CLCA1: variants seen among roughly 807,000 people sequenced by gnomAD.
CLCA1 encodes chloride channel accessory 1, also known as calcium-activated chloride channel regulator 1.
CLCA1 carries 59 observed loss-of-function variants against 85.6 expected under a neutral mutation model. The ratio of observed to expected loss-of-function variants is 0.69; its 90% confidence interval spans 0.56 to 0.86. The LOEUF (loss-of-function observed/expected upper bound fraction) is 0.86. Ranked by LOEUF, CLCA1 falls within the 40% of genes least tolerant of loss-of-function variation. The probability of loss-of-function intolerance (pLI) is 0.00; values close to 1 mark genes in which losing one functional copy is unlikely to be tolerated. For missense variants in CLCA1, 1,022 were observed against 1,101.4 expected (o/e 0.93, Z 1.02); for synonymous variants, 396 against 398.3 (o/e 0.99, Z 0.07).
intron 5 of CLCA1, 47 bp downstream of exon 5, chr1:86,482,429 G>A (rs771539191): frequency 6.4e-7 from 1 of 1,560,246 alleles, no homozygotes; most frequent in South Asian, 1.2e-5. Context: ...TATGAATTTA[G>A]TGAGGCTTTT....
intron 7 of CLCA1, among the ~76,000 whole-genome samples, chr1:86,487,008 T>C (rs959129440): frequency 1.3e-5 from 2 of 152,214 alleles, no homozygotes; most frequent in African/African-American, 4.8e-5. Context: ...TTTGGGCACA[T>C]CACACTCAAT....
chr1:86,489,382 T>C (rs182426770), intron 8 of CLCA1, among the ~76,000 whole-genome samples: 87 of 152,278 alleles, frequency 5.7e-4, no homozygotes, highest in Middle Eastern at 6.8e-3. Context: ...CTGGAGAAGA[T>C]GGAACTAGCA....
chr1:86,491,349 C>A lies in CLCA1; in HGVS notation c.1442C>A (p.Ala481Asp), dbSNP rs867220653. The change falls in exon 9 of 14, where the codon GCT (alanine) becomes GAT (aspartate). Residue 481 changes from alanine (A) to aspartate (D), a missense_variant. Ala to Asp is a moderately radical substitution (Grantham distance 126). Transcript: ENST00000394711. ...GGGGCCCTTTCATCAGGAAATGGAG[C>A]TGTCTCTCAGCGCTCCATCCAGGTT... ...AFGALSSGNGAVSQRSIQLES... is the reference protein window; with the variant it reads ...AFGALSSGNGDVSQRSIQLES... 6.2e-7 allele frequency: 1 copy of A among 1,612,628 alleles called. No homozygotes were observed. Among genetic ancestry groups the A allele is most frequent in the East Asian group, 2.2e-5 (1 of 44,858 alleles).
chr1:86,489,193 C>G (rs748747314), intron 8 of CLCA1, 23 bp downstream of exon 8: 3 of 1,606,364 alleles, frequency 1.9e-6, no homozygotes, highest in Non-Finnish European at 2.6e-6. Flanking sequence ...TTGCTGAGAC[C>G]CCCGGTATTG....
chr1:86,469,070 AG>A lies in CLCA1; in HGVS notation c.101del (p.Gly34AlafsTer20). On this transcript the variant is annotated frameshift_variant, in exon 1 of 14. Coordinates refer to ENST00000394711, the MANE Select transcript of CLCA1 (RefSeq NM_001285.4). LOFTEE classifies it high-confidence loss of function. ...TTCAGCTGAACAACAATGGCTATGA[AG>A]GCATTGTCGTTGCAATCGACCCCAA... ...LIQLNNNGYE[G>X]IVVAIDPNVP... The A allele has an allele frequency of 6.2e-7, 1 of 1,612,840 alleles. No individual in the cohort carries two copies. The highest frequency in any genetic ancestry group is 8.5e-7 in the Non-Finnish European group (1 of 1,179,330).
chr1:86,495,055 C>G (rs1319924283), intron 11 of CLCA1, among the ~76,000 whole-genome samples: 1 of 138,744 alleles, frequency 7.2e-6, no homozygotes, highest in African/African-American at 2.7e-5. Context: ...AAAAAAAAAA[C>G]ATGTCTGCTT....
At chr1:86,474,478 C>T (rs1647590903) in intron 3 of CLCA1, among the ~76,000 whole-genome samples, 1 of 150,362 alleles carries the variant, frequency 6.7e-6, no homozygotes, top group African/African-American at 2.5e-5. Context: ...GGCGTGAACC[C>T]GGGAGGCGGA....
chr1:86,486,714 A>G lies in CLCA1; in HGVS notation c.1143A>G (p.Gly381=). 6.2e-7 allele frequency: 1 copy of G among 1,614,184 alleles called. No homozygotes were observed. Among genetic ancestry groups the G allele is most frequent in the Non-Finnish European group, 8.5e-7 (1 of 1,180,024 alleles). The change falls in exon 7 of 14, where the codon GGA becomes GGG. Residue 381 remains glycine (G), a synonymous_variant. Transcript: ENST00000394711. ...LAKRLPAAAS[G]GTSICSGLRS... is the part of the protein sequence containing the mutation. The stretch of plus-strand genomic sequence containing the variant: ...AAAGATTACCTGCAGCAGCTTCAGG[A>G]GGGACGTCCATCTGCAGCGGGCTTC...
At chr1:86,474,467 T>C (rs1176584939) in intron 3 of CLCA1, among the ~76,000 whole-genome samples, 2 of 150,294 alleles carry the variant, frequency 1.3e-5, no homozygotes, top group Non-Finnish European at 3.0e-5. Context: ...GGCAGGAGAA[T>C]GGCGTGAACC....
Position 86,489,154 on chromosome 1 carries a change from G to T in CLCA1, c.1341G>T (p.Glu447Asp), listed in dbSNP as rs757662301. Reference protein sequence around the residue: ...LGPSAAQELEELSKMTGGLQT... With the variant: ...LGPSAAQELEDLSKMTGGLQT... Reference sequence around the variant, plus strand: ...CCTCTGCAGCTCAAGAACTAGAGGAGCTGTCCAAAATGACAGGTGAGGGAT... The same window carrying T: ...CCTCTGCAGCTCAAGAACTAGAGGATCTGTCCAAAATGACAGGTGAGGGAT... Residue 447 changes from glutamate (E) to aspartate (D), a missense_variant, in exon 8 of 14, where the codon GAG (glutamate) becomes GAT (aspartate). Glu to Asp is a conservative substitution (Grantham distance 45). Transcript: ENST00000394711. The T allele has an allele frequency of 6.2e-7, 1 of 1,613,914 alleles. No homozygotes were observed. Among genetic ancestry groups the T allele is most frequent in the Admixed American group, 1.7e-5 (1 of 59,998 alleles).
intron 1 of CLCA1, among the ~76,000 whole-genome samples, chr1:86,470,128 C>T (rs540969112): frequency 1.3e-5 from 2 of 151,938 alleles, no homozygotes; most frequent in Non-Finnish European, 2.9e-5. Context: ...GAACAAGGGC[C>T]CAGAGGGATT....
chr1:86,472,952 C>T (rs1253253333), intron 1 of CLCA1, among the ~76,000 whole-genome samples: 1 of 152,200 alleles, frequency 6.6e-6, no homozygotes, highest in African/African-American at 2.4e-5. Flanking sequence ...GTCTCAGTTT[C>T]ACCCTCAAAG....
At chr1:86,478,900 G>A (rs1317154667) in intron 4 of CLCA1, among the ~76,000 whole-genome samples, 1 of 152,152 alleles carries the variant, frequency 6.6e-6, no homozygotes. Flanking sequence ...CAGGACAGGA[G>A]GTTACTTCAT....
chr1:86,487,353 C>G (rs1301160708), intron 7 of CLCA1, among the ~76,000 whole-genome samples: 2 of 151,962 alleles, frequency 1.3e-5, no homozygotes, highest in Non-Finnish European at 1.5e-5. Context: ...GGGGAGATGA[C>G]TAATGCCAGA....
chr1:86,489,216 G>A, intron 8 of CLCA1, 46 bp downstream of exon 8: 1 of 1,562,862 alleles, frequency 6.4e-7, no homozygotes, highest in Non-Finnish European at 8.7e-7. Context: ...TCTCCTACTG[G>A]ACTGTGAGCT....
chr1:86,495,782 C>A, intron 12 of CLCA1, 107 bp downstream of exon 12: 1 of 1,047,874 alleles, frequency 9.5e-7, no homozygotes, highest in South Asian at 2.0e-5. Context: ...CAGGGTTTCT[C>A]AACCTTGGCA....
At chr1:86,494,792 CAT>C (rs1435115646) in intron 11 of CLCA1, among the ~76,000 whole-genome samples, 3 of 152,180 alleles carry the variant, frequency 2.0e-5, no homozygotes, top group Non-Finnish European at 2.9e-5. Context: ...TACATACACA[CAT>C]ATGAGTGTGT....
chr1:86,470,250 T>C (rs2101725416), intron 1 of CLCA1, among the ~76,000 whole-genome samples: 1 of 152,254 alleles, frequency 6.6e-6, no homozygotes, highest in South Asian at 2.1e-4. Context: ...GGGATAGGGA[T>C]AGGGAACAGA....
intron 3 of CLCA1, among the ~76,000 whole-genome samples, chr1:86,475,724 G>A (rs1420338028): frequency 1.3e-5 from 2 of 152,196 alleles, no homozygotes; most frequent in East Asian, 3.8e-4. Context: ...GGTAAAAAAA[G>A]ACCAGAGTTG....
Sources: gnomAD v4.1 joint callset for allele counts (sites outside exome capture counted in the v4.1 genomes callset) on GRCh38, gnomAD v4.1.1 for gene constraint, MANE v1.5 for transcripts, NCBI Gene and HGNC (gene_info 2026-07-23, HGNC 2026-07-21) for gene names.